Variants in DOK6 observed in about 807,000 individuals in gnomAD.
DOK6 encodes downstream of tyrosine kinase 6.
DOK6 carries 22 observed loss-of-function variants against 44.0 expected under a neutral mutation model. The ratio of observed to expected loss-of-function variants is 0.50; its 90% CI spans 0.36 to 0.71. DOK6 has a LOEUF of 0.71. Ranked by LOEUF, DOK6 falls within the 30% of genes least tolerant of loss-of-function variation. The probability of loss-of-function intolerance (pLI) is 0.00; values close to 1 mark genes in which losing one functional copy is unlikely to be tolerated. For missense variants in DOK6, 340 were observed against 416.4 expected, an observed-to-expected ratio of 0.82 and a Z score of 1.60; for synonymous variants, 166 against 145.5, an observed-to-expected ratio of 1.14 and a Z score of -1.01.
At position 69,842,800 on chromosome 18, in the gene DOK6, A is replaced by T. The variant is rs913843936; in HGVS notation, c.*1417A>T. ...AAATAAAAATTATCCTGCCTGAATC[A>T]TCTGATGCTTTGTGCCTAAGATGGT... On this transcript the variant is annotated 3_prime_UTR_variant, in exon 8 of 8. Transcript: ENST00000382713. The T allele has an allele frequency of 2.6e-5, 4 of 152,224 alleles. No individual in the cohort carries two copies. The highest frequency in any genetic ancestry group is 5.9e-5 in the Non-Finnish European group (4 of 68,044). 9.4% of individuals were successfully genotyped at this position (152,224 alleles called of 1,614,324 possible).
chr18:69,512,587 G>A (rs112991919), intron 1 of DOK6, among the ~76,000 whole-genome samples: 4 of 151,900 alleles, frequency 2.6e-5, no homozygotes, highest in Non-Finnish European at 4.4e-5. Flanking sequence ...CAGTTGATTC[G>A]TCCGCCTCGG....
rs1247154527 is a variant in DOK6 at position 69,449,958 on chromosome 18, G to GA, written c.66+48654dup. Among the ~76,000 whole-genome samples the GA allele has an allele frequency of 1.1e-4, 15 of 140,356 alleles. No homozygotes were observed. In the East Asian group the frequency reaches 3.3e-3, roughly 31 times the overall value. 92.1% of individuals were successfully genotyped at this position (140,356 alleles called of 152,430 possible). ...AAGTAGGTAAAACCACAAAGATGGG[G>GA]AAAAAACAGAACAGAAAAACTGGAA... On this transcript the variant is annotated intron_variant, in intron 1 of 7. Coordinates refer to ENST00000382713, the MANE Select transcript of DOK6 (RefSeq NM_152721.6).
intron 1 of DOK6, among the ~76,000 whole-genome samples, chr18:69,535,884 G>A (rs576578926): frequency 2.2e-4 from 33 of 152,020 alleles, no homozygotes; most frequent in African/African-American, 7.0e-4. Context: ...AAATACCAAC[G>A]TAACAAGTAT....
intron 3 of DOK6, among the ~76,000 whole-genome samples, chr18:69,655,210 C>T (rs1985329910): frequency 6.6e-6 from 1 of 151,776 alleles, no homozygotes; most frequent in African/African-American, 2.4e-5. Flanking sequence ...AGCGAATTAG[C>T]ATCTTAAGAA....
chr18:69,586,057 A>T (rs922119671), intron 2 of DOK6, among the ~76,000 whole-genome samples: 28 of 152,178 alleles, frequency 1.8e-4, no homozygotes, highest in Non-Finnish European at 2.8e-4. Context: ...ATCCTGGCCA[A>T]CTCATGGTAG....
chr18:69,445,201 T>C (rs117231536), intron 1 of DOK6, among the ~76,000 whole-genome samples: 5,030 of 152,286 alleles, frequency 0.033, 137 homozygotes, highest in Admixed American at 0.09. Context: ...ATTTGCTTTT[T>C]AGTTTAATAG....
intron 6 of DOK6, among the ~76,000 whole-genome samples, chr18:69,745,771 GAAC>G (rs1361490017): frequency 2.0e-5 from 3 of 152,168 alleles, no homozygotes; most frequent in South Asian, 2.1e-4. Context: ...CACAGTGTTA[GAAC>G]ACCACCTGGT....
Position 69,757,848 on chromosome 18 carries a change from C to T in DOK6, c.831C>T (p.Ser277=). The part of the protein sequence containing the change: ...AYWHHITRQN[S]VGEIYSLQGH... ...GGCATCACATCACTCGTCAGAACAG[C>T]GTTGGTGAAATCTACAGTTTGCAAG... The change falls in exon 7 of 8, where the codon AGC becomes AGT. Residue 277 remains serine (S), a synonymous_variant. Coordinates refer to ENST00000382713, the MANE Select transcript of DOK6 (RefSeq NM_152721.6). The T allele has an allele frequency of 6.2e-7, 1 of 1,614,070 alleles. No homozygotes were observed. Among genetic ancestry groups the T allele is most frequent in the Non-Finnish European group, 8.5e-7 (1 of 1,179,932 alleles).
chr18:69,760,696 T>C (rs1979523834), intron 7 of DOK6, among the ~76,000 whole-genome samples: 1 of 150,202 alleles, frequency 6.7e-6, no homozygotes, highest in African/African-American at 2.4e-5. Flanking sequence ...AGGTGTTTTC[T>C]ATCTAGTAGG....
chr18:69,689,183 G>T (rs544919049), intron 4 of DOK6, among the ~76,000 whole-genome samples: 1 of 152,290 alleles, frequency 6.6e-6, no homozygotes, highest in South Asian at 2.1e-4. Context: ...GATCAGTGGT[G>T]GTTCTGAGGG....
At chr18:69,571,686 T>A (rs1983117879) in intron 2 of DOK6, among the ~76,000 whole-genome samples, 1 of 151,952 alleles carries the variant, frequency 6.6e-6, no homozygotes, top group Admixed American at 6.6e-5. Flanking sequence ...CAAATAAAAA[T>A]CACAAATTTT....
intron 3 of DOK6, chr18:69,662,147 T>C (rs905159198): frequency 6.6e-6 from 1 of 152,160 alleles, no homozygotes; most frequent in South Asian, 2.1e-4. Context: ...GCCCAGATAA[T>C]TTTTGTATTT....
intron 3 of DOK6, among the ~76,000 whole-genome samples, chr18:69,640,268 C>T (rs1178645581): frequency 6.6e-6 from 1 of 152,188 alleles, no homozygotes; most frequent in Non-Finnish European, 1.5e-5. Context: ...AAAATACATT[C>T]TGAAAATACA....
At chr18:69,545,380 AC>A (rs1393778577) in intron 1 of DOK6, among the ~76,000 whole-genome samples, 1 of 150,424 alleles carries the variant, frequency 6.6e-6, no homozygotes, top group Non-Finnish European at 1.5e-5. Context: ...CACACTGTTG[AC>A]CTAAAACTTG....
At chr18:69,619,159 A>G (rs1432475903) in intron 3 of DOK6, among the ~76,000 whole-genome samples, 3 of 152,188 alleles carry the variant, frequency 2.0e-5, no homozygotes, top group Non-Finnish European at 4.4e-5. Context: ...TGGACCTGGG[A>G]GCCTGGGCTC....
intron 1 of DOK6, among the ~76,000 whole-genome samples, chr18:69,426,466 A>C (rs1009284436): frequency 1.3e-5 from 2 of 152,198 alleles, no homozygotes; most frequent in Admixed American, 1.3e-4. Context: ...TTGAAATGGG[A>C]TCTCAAAAGG....
At chr18:69,820,135 T>G (rs2145123234) in intron 7 of DOK6, among the ~76,000 whole-genome samples, 1 of 152,342 alleles carries the variant, frequency 6.6e-6, no homozygotes, top group Non-Finnish European at 1.5e-5. Context: ...TATATTTTCT[T>G]TATTCATTCA....
Position 69,667,942 on chromosome 18 carries a change from CA to C in DOK6, c.290-9791del, listed in dbSNP as rs1428089614. Among the ~76,000 whole-genome samples the C allele has an allele frequency of 5.9e-5, 9 of 152,306 alleles. No homozygotes were observed. The East Asian group carries it at 1.7e-3, about 29-fold the overall frequency. ...TCATATAGTGAACTGCCTATTCATC[CA>C]TCCACTTCAATAACTAATAAGAATC... On this transcript the variant is annotated intron_variant, in intron 3 of 7. Coordinates refer to ENST00000382713, the MANE Select transcript of DOK6 (RefSeq NM_152721.6).
intron 1 of DOK6, among the ~76,000 whole-genome samples, chr18:69,528,161 T>G (rs1981886931): frequency 1.1e-5 from 1 of 93,786 alleles, no homozygotes; most frequent in African/African-American, 3.9e-5. Flanking sequence ...AGACTCTGTC[T>G]CAAAAAAAAA....
Sources: allele counts gnomAD v4.1 joint callset (sites outside exome capture counted in the v4.1 genomes callset), GRCh38; gene constraint gnomAD v4.1.1; transcripts MANE v1.5; gene names NCBI Gene and HGNC (gene_info 2026-07-23, HGNC 2026-07-21).